The following PLB1 variants were observed in gnomAD, a reference collection of about 807,000 sequenced individuals.
PLB1 encodes phospholipase B1, also known as phospholipase B1, membrane-associated.
In PLB1, 242 loss-of-function variants were observed where a neutral mutation model predicts 227.4. The ratio of observed to expected loss-of-function variants is 1.06; its 90% CI spans 0.96 to 1.18. The LOEUF (loss-of-function observed/expected upper bound fraction) is 1.18, where lower values mean the gene tolerates loss of function less well. Among genes scored for constraint, PLB1 ranks in the 50% most tolerant of loss-of-function variants. The pLI is 0.00. For missense variants in PLB1, 1,858 were observed against 1,816.3 expected (o/e 1.02, Z -0.42); for synonymous variants, 757 against 682.2 (o/e 1.11, Z -1.71).
At chr2:28,572,092 G>A (rs1262444542) in intron 20 of PLB1, among the ~76,000 whole-genome samples, 1 of 152,074 alleles carries the variant, frequency 6.6e-6, no homozygotes, top group Non-Finnish European at 1.5e-5. Context: ...AGTTAAAATC[G>A]GGCAAAGGAT....
At chr2:28,610,694 A>T (rs1685319594) in intron 43 of PLB1, among the ~76,000 whole-genome samples, 1 of 151,962 alleles carries the variant, frequency 6.6e-6, no homozygotes, top group East Asian at 1.9e-4. Flanking sequence ...AGCGAAGAAA[A>T]TCACCCCTCC....
chr2:28,518,568 G>A (rs762534678), intron 3 of PLB1, 36 bp downstream of exon 3: 1 of 1,545,208 alleles, frequency 6.5e-7, no homozygotes. Flanking sequence ...GAAAAGCCTG[G>A]CGTTTTCTCT....
At position 28,519,717 on chromosome 2, in the gene PLB1, A is replaced by T. The variant is rs774037792; in HGVS notation, c.197A>T (p.Lys66Met). 2 of 1,610,902 alleles carry T rather than the reference A, an allele frequency of 1.2e-6. No homozygotes were observed. Among genetic ancestry groups the T allele is most frequent in the Admixed American group, 1.7e-5 (1 of 59,976 alleles). The change falls in exon 4 of 58, where the codon AAG (lysine) becomes ATG (methionine). Residue 66 changes from lysine to methionine, a missense_variant. Transcript: ENST00000327757. The stretch of plus-strand genomic sequence containing the variant: ...CTTGTCTCCACAGTTCACTCTCTGA[A>T]GCCTTCTGATATTAAATTTGTGGCA... ...NMPSKSVHSLKPSDIKFVAAI... is the reference protein window; with the variant it reads ...NMPSKSVHSLMPSDIKFVAAI...
chr2:28,563,342 G>C (rs1297723313), intron 18 of PLB1, among the ~76,000 whole-genome samples: 1 of 152,108 alleles, frequency 6.6e-6, no homozygotes, highest in Non-Finnish European at 1.5e-5. Context: ...ATGAAGGAGA[G>C]AGCAGGAAGT....
intron 1 of PLB1, among the ~76,000 whole-genome samples, chr2:28,497,163 A>AT (rs1462504085): frequency 6.6e-6 from 1 of 152,144 alleles, no homozygotes; most frequent in African/African-American, 2.4e-5. Flanking sequence ...TTTCCTATTG[A>AT]TTTTTTAGGA....
intron 16 of PLB1, among the ~76,000 whole-genome samples, chr2:28,551,400 G>T (rs112063514): frequency 1.3e-5 from 2 of 152,188 alleles, no homozygotes; most frequent in Non-Finnish European, 2.9e-5. Flanking sequence ...CCCAGAGAAG[G>T]GGGGACTGAG....
chr2:28,539,872 C>T (rs1672221811), intron 11 of PLB1, among the ~76,000 whole-genome samples: 1 of 151,780 alleles, frequency 6.6e-6, no homozygotes, highest in Non-Finnish European at 1.5e-5. Context: ...CCCTCTATCC[C>T]ATAGTCACCC....
At chr2:28,624,073 G>A (rs1687401045) in intron 49 of PLB1, among the ~76,000 whole-genome samples, 1 of 152,112 alleles carries the variant, frequency 6.6e-6, no homozygotes, top group Admixed American at 6.5e-5. Flanking sequence ...ACTCCAGCCT[G>A]GGCAACAGAG....
Position 28,582,122 on chromosome 2 carries a change from C to A in PLB1, c.1621C>A (p.Leu541Ile). The A allele has an allele frequency of 6.2e-7, 1 of 1,613,900 alleles. No individual in the cohort carries two copies. ...CAACATTGGAAAGGCCCTGGACATC[C>A]TCCATGCTGAGGTACGGAGGCTAGG... Reference protein sequence around the residue: ...TDNIGKALDILHAEVPRAFVN... With the variant: ...TDNIGKALDIIHAEVPRAFVN... The change falls in exon 24 of 58, where the codon CTC becomes ATC. Residue 541 changes from leucine to isoleucine, a missense_variant. Leu to Ile is a conservative substitution (Grantham distance 5). Transcript: ENST00000327757.
chr2:28,540,425 T>C lies in PLB1; in HGVS notation c.758T>C (p.Met253Thr). The C allele has an allele frequency of 6.2e-7, 1 of 1,613,970 alleles. No individual in the cohort carries two copies. The highest frequency in any genetic ancestry group is 1.7e-5 in the Admixed American group (1 of 60,014). Residue 253 changes from methionine (M) to threonine (T), a missense_variant, in exon 12 of 58, where the codon ATG becomes ACG. By Grantham distance (81) the Met-to-Thr change is moderately conservative. Transcript: ENST00000327757. ...ACCACCCGGCTGGCCAAGGTGGTGA[T>C]GCAGTGGTCTTATCAGGTGAGCCCA... is the stretch of plus-strand genomic sequence containing the variant. ...EETTRLAKVV[M>T]QWSYQEAWNS...
chr2:28,598,177 A>T (rs1683273635), intron 34 of PLB1, 129 bp downstream of exon 34: 1 of 774,598 alleles, frequency 1.3e-6, no homozygotes, highest in Admixed American at 2.9e-5. Flanking sequence ...AGTAGGAGAC[A>T]GGAGGCTATG....
chr2:28,536,795 G>A (rs922694561), intron 9 of PLB1, among the ~76,000 whole-genome samples: 12 of 152,148 alleles, frequency 7.9e-5, no homozygotes, highest in Non-Finnish European at 1.6e-4. Context: ...GTCTTTTACT[G>A]AGAAATGGGG....
chr2:28,583,396 C>T (rs1680375949), intron 25 of PLB1, among the ~76,000 whole-genome samples: 1 of 152,056 alleles, frequency 6.6e-6, no homozygotes, highest in Non-Finnish European at 1.5e-5. Context: ...GTTGGCCAAG[C>T]TGGTCCCGAA....
At chr2:28,603,880 A>T in intron 39 of PLB1, 86 bp from the exon 40 acceptor site, 3 of 1,270,020 alleles carry the variant, frequency 2.4e-6, no homozygotes, top group South Asian at 2.4e-5. Flanking sequence ...GAGCCTCTCC[A>T]CCCCTCCCCT....
intron 6 of PLB1, among the ~76,000 whole-genome samples, chr2:28,527,806 T>C (rs1268532506): frequency 6.6e-6 from 1 of 152,224 alleles, no homozygotes; most frequent in Non-Finnish European, 1.5e-5. Context: ...AACGTCATGT[T>C]TGATCACAAA....
At chr2:28,584,868 GAGCCAGGCAGACTTGAGTTCA>G (rs1374499585) in intron 25 of PLB1, among the ~76,000 whole-genome samples, 1 of 152,230 alleles carries the variant, frequency 6.6e-6, no homozygotes, top group Non-Finnish European at 1.5e-5. Context: ...CTCAGGTTCA[GAGCCAGGCAGACTTGAGTTCA>G]AGTCCTAGCT....
intron 43 of PLB1, among the ~76,000 whole-genome samples, chr2:28,611,305 A>G (rs1449046040): frequency 6.6e-6 from 1 of 152,186 alleles, no homozygotes; most frequent in Non-Finnish European, 1.5e-5. Context: ...CACATTGTCC[A>G]GTTGCACTCG....
chr2:28,617,010 C>G (rs558889980), intron 44 of PLB1, among the ~76,000 whole-genome samples: 7 of 152,298 alleles, frequency 4.6e-5, no homozygotes, highest in African/African-American at 1.7e-4. Context: ...AATTTTCCCC[C>G]AGATTTCTGG....
intron 20 of PLB1, among the ~76,000 whole-genome samples, chr2:28,572,651 A>G (rs1411254708): frequency 3.3e-5 from 5 of 152,280 alleles, no homozygotes; most frequent in African/African-American, 1.2e-4. Context: ...GGCCAGTCAC[A>G]AAAGGTATGT....
Sources: allele counts gnomAD v4.1 joint callset (sites outside exome capture counted in the v4.1 genomes callset), GRCh38; gene constraint gnomAD v4.1.1; transcripts MANE v1.5; gene names NCBI Gene and HGNC (gene_info 2026-07-23, HGNC 2026-07-21).